The following IKBKB-DT variants were observed in gnomAD, a reference collection of about 807,000 sequenced individuals.
IKBKB-DT encodes IKBKB divergent transcript, also known as IKBKB antisense RNA.
At chr8:42,245,878 C>G (rs1332837888) in intron 3 of IKBKB-DT, among the ~76,000 whole-genome samples, 1 of 152,008 alleles carries the variant, frequency 6.6e-6, no homozygotes, top group Non-Finnish European at 1.5e-5. Context: ...TGCAGATACA[C>G]GTAAAAGGAT....
chr8:42,260,839 A>G (rs915823059), intron 3 of IKBKB-DT, among the ~76,000 whole-genome samples: 1 of 152,052 alleles, frequency 6.6e-6, no homozygotes, highest in Non-Finnish European at 1.5e-5. Flanking sequence ...AAAGCCATAA[A>G]CCTCTTAGGA....
At chr8:42,262,399 G>C (rs996117298) in intron 3 of IKBKB-DT, among the ~76,000 whole-genome samples, 4 of 149,318 alleles carry the variant, frequency 2.7e-5, no homozygotes, top group African/African-American at 9.9e-5. Flanking sequence ...ACATCACACA[G>C]ATCCAGGAGA....
exon 2 of IKBKB-DT, chr8:42,266,089 A>C (rs1487729168): frequency 6.6e-6 from 1 of 152,218 alleles, no homozygotes; most frequent in East Asian, 1.9e-4. Context: ...GACTTTCTAA[A>C]CTAGTTTCTC....
intron 2 of IKBKB-DT, among the ~76,000 whole-genome samples, chr8:42,263,964 A>G (rs1471231994): frequency 2.6e-5 from 4 of 151,592 alleles, no homozygotes; most frequent in Non-Finnish European, 4.4e-5. Context: ...GGCGCCCACC[A>G]CTATGCCTGG....
At chr8:42,236,733 G>A (rs761240888) in intron 3 of IKBKB-DT, among the ~76,000 whole-genome samples, 12 of 151,970 alleles carry the variant, frequency 7.9e-5, no homozygotes, top group Non-Finnish European at 1.3e-4. Flanking sequence ...CTCCAGCCTG[G>A]GCAAAAAGAG....
chr8:42,240,773 G>A (rs560584774), intron 3 of IKBKB-DT, among the ~76,000 whole-genome samples: 3 of 151,964 alleles, frequency 2.0e-5, no homozygotes, highest in South Asian at 4.2e-4. Flanking sequence ...TCAGGAGTTC[G>A]AGGTCAGCCT....
chr8:42,264,242 G>C (rs966349068), intron 2 of IKBKB-DT, among the ~76,000 whole-genome samples: 1 of 151,186 alleles, frequency 6.6e-6, no homozygotes. Context: ...TGCTGGTCTC[G>C]AACTCCTGAT....
intron 3 of IKBKB-DT, among the ~76,000 whole-genome samples, chr8:42,242,561 G>T (rs1037427766): frequency 6.6e-6 from 1 of 152,166 alleles, no homozygotes; most frequent in Non-Finnish European, 1.5e-5. Flanking sequence ...TAGAGAGTGG[G>T]GAGTGTACTG....
At chr8:42,252,678 T>G (rs1406407821) in intron 3 of IKBKB-DT, among the ~76,000 whole-genome samples, 1 of 152,212 alleles carries the variant, frequency 6.6e-6, no homozygotes, top group Non-Finnish European at 1.5e-5. Flanking sequence ...AGATAGATTT[T>G]TAAATAAATG....
At chr8:42,251,839 A>AAAAAG (rs1554503180) in intron 3 of IKBKB-DT, among the ~76,000 whole-genome samples, 17 of 151,308 alleles carry the variant, frequency 1.1e-4, no homozygotes, top group African/African-American at 2.9e-4. Context: ...AAAAAAAAAA[A>AAAAAG]AAAAGAAAAG....
At chr8:42,267,723 T>C (rs1430149825) in intron 1 of IKBKB-DT, among the ~76,000 whole-genome samples, 2 of 152,208 alleles carry the variant, frequency 1.3e-5, no homozygotes, top group Non-Finnish European at 2.9e-5. Flanking sequence ...TTGTAAACAG[T>C]CTGCTCATAT....
chr8:42,254,845 C>T (rs749220788), intron 3 of IKBKB-DT, among the ~76,000 whole-genome samples: 16 of 149,670 alleles, frequency 1.1e-4, no homozygotes, highest in South Asian at 4.3e-4. Flanking sequence ...TCTGCCCGGC[C>T]GCCCCACAGT....
At chr8:42,267,995 G>A (rs540278324) in intron 1 of IKBKB-DT, among the ~76,000 whole-genome samples, 151 of 152,256 alleles carry the variant, frequency 9.9e-4, no homozygotes, top group Admixed American at 1.7e-3. Flanking sequence ...TAAACTTTTG[G>A]CATATTAGCG....
chr8:42,235,106 C>T (rs1806901096), intron 3 of IKBKB-DT, among the ~76,000 whole-genome samples: 4 of 151,454 alleles, frequency 2.6e-5, no homozygotes, highest in Non-Finnish European at 5.9e-5. Flanking sequence ...AACATCACTA[C>T]TCTAGAACCT....
chr8:42,237,850 C>A lies in IKBKB-DT; in HGVS notation n.1530-3991G>T, dbSNP rs1185373388. On this transcript the variant is annotated intron_variant and non_coding_transcript_variant, in intron 3 of 3. Coordinates refer to ENST00000518213, the Ensembl canonical transcript of IKBKB-DT. ...ATCATCTTGGGCAACAGAGTAAGAC[C>A]CCCTCTCCACAAAAAATCAACAAAA... Among the ~76,000 whole-genome samples the A allele has an allele frequency of 3.3e-5, 5 of 151,366 alleles. 1 individual carries two copies. Among genetic ancestry groups the A allele is most frequent in the Admixed American group, 3.3e-4 (5 of 15,182 alleles).
At chr8:42,262,459 A>AT (rs534661232) in intron 3 of IKBKB-DT, among the ~76,000 whole-genome samples, 7 of 124,046 alleles carry the variant, frequency 5.6e-5, no homozygotes, top group African/African-American at 3.0e-4. Flanking sequence ...TATTTATTTA[A>AT]GACAGAGTCT....
At chr8:42,254,611 C>T (rs572475255) in intron 3 of IKBKB-DT, among the ~76,000 whole-genome samples, 6 of 150,598 alleles carry the variant, frequency 4.0e-5, no homozygotes, top group Admixed American at 1.3e-4. Context: ...CACCTCTCCC[C>T]GGCTGCCCAA....
chr8:42,240,675 C>A (rs1268822653), intron 3 of IKBKB-DT, among the ~76,000 whole-genome samples: 2 of 141,086 alleles, frequency 1.4e-5, no homozygotes, highest in Non-Finnish European at 3.1e-5. Flanking sequence ...TATTGCCACA[C>A]ACCTTGAAAA....
At chr8:42,237,174 C>A (rs533274827) in intron 3 of IKBKB-DT, among the ~76,000 whole-genome samples, 82 of 152,104 alleles carry the variant, frequency 5.4e-4, no homozygotes, top group African/African-American at 1.9e-3. Flanking sequence ...GCAATCTCCG[C>A]CTCCCGGGTT....
Sources: gnomAD v4.1 joint callset for allele counts (sites outside exome capture counted in the v4.1 genomes callset) on GRCh38, gnomAD v4.1.1 for gene constraint, MANE v1.5 for transcripts, NCBI Gene and HGNC (gene_info 2026-07-23, HGNC 2026-07-21) for gene names.